Variants in PRH1 observed in about 807,000 individuals in gnomAD.
PRH1 encodes the protein salivary acidic proline-rich phosphoprotein 1/2.
In PRH1, 7 loss-of-function variants were observed where a neutral mutation model predicts 7.9. The observed-to-expected ratio is 0.89, with a 90% CI of 0.50 to 1.67. The LOEUF is 1.67. Among genes scored for constraint, PRH1 ranks in the 40% most tolerant of loss-of-function variants. The pLI is 0.00. For synonymous variants in PRH1, 45 were observed against 80.8 expected (o/e 0.56, Z 2.38); for missense variants, 109 against 223.6 (o/e 0.49, Z 3.27).
intron 1 of PRH1, chr12:10,986,974 TC>T (rs1488499315): frequency 2.7e-6 from 2 of 746,772 alleles, no homozygotes; most frequent in Non-Finnish European, 4.0e-6. Context: ...GCAGTAACAT[TC>T]TTTTTACTTT....
At chr12:11,119,677 TCAAA>T (rs1207509609), downstream of PRH1, among the ~76,000 whole-genome samples, 3 of 152,224 alleles carry the variant, frequency 2.0e-5, no homozygotes, top group Non-Finnish European at 4.4e-5. Context: ...AATTATGTTT[TCAAA>T]CAAACTGAAT....
intron 2 of PRH1, among the ~76,000 whole-genome samples, chr12:10,968,673 G>C (rs1938634857): frequency 6.6e-6 from 1 of 152,242 alleles, no homozygotes; most frequent in South Asian, 2.1e-4. Flanking sequence ...CCAGCCAGCT[G>C]CTTTAGGGCT....
chr12:11,161,880 T>C (rs1448495658), intron 1 of PRH1, among the ~76,000 whole-genome samples: 2 of 152,174 alleles, frequency 1.3e-5, no homozygotes, highest in Non-Finnish European at 2.9e-5. Flanking sequence ...ACATGAAACA[T>C]TTGTGTAAGG....
intron 1 of PRH1, among the ~76,000 whole-genome samples, chr12:11,083,716 T>C (rs1490415567): frequency 2.0e-5 from 3 of 152,308 alleles, no homozygotes; most frequent in African/African-American, 7.2e-5. Flanking sequence ...ACCATCCCAA[T>C]TGTTATGATA....
At chr12:11,013,662 T>G (rs1941160337) in intron 1 of PRH1, among the ~76,000 whole-genome samples, 1 of 152,162 alleles carries the variant, frequency 6.6e-6, no homozygotes, top group African/African-American at 2.4e-5. Context: ...TAAATAAAAC[T>G]AAATTAGATG....
intron 1 of PRH1, among the ~76,000 whole-genome samples, chr12:10,978,594 G>C (rs148247945): frequency 5.7e-4 from 87 of 152,182 alleles, no homozygotes; most frequent in Admixed American, 8.5e-4. Flanking sequence ...TTAAACTAAA[G>C]AGTTTCTGCA....
chr12:11,051,848 T>C (rs2599420), upstream of PRH1, among the ~76,000 whole-genome samples: 66,859 of 152,010 alleles, frequency 0.44, 15,528 homozygotes, highest in Non-Finnish European at 0.51. Context: ...CTATGTTTTT[T>C]CATTTTATGA....
At chr12:10,927,828 G>A (rs1029919534) in intron 2 of PRH1, among the ~76,000 whole-genome samples, 13 of 152,182 alleles carry the variant, frequency 8.5e-5, no homozygotes, top group African/African-American at 3.1e-4. Flanking sequence ...CCTACACAAG[G>A]TCTGAAATGG....
chr12:11,126,329 T>G (rs1469230655), intron 1 of PRH1, among the ~76,000 whole-genome samples: 1 of 152,228 alleles, frequency 6.6e-6, no homozygotes, highest in Non-Finnish European at 1.5e-5. Flanking sequence ...AAATATAGTT[T>G]TGTAAACTTT....
chr12:11,055,907 G>C (rs2044826), intron 1 of PRH1, among the ~76,000 whole-genome samples: 66,329 of 151,816 alleles, frequency 0.44, 15,088 homozygotes, highest in Non-Finnish European at 0.51. Flanking sequence ...AAGCATCCAA[G>C]GTTTTCTTGG....
At chr12:11,005,131 A>G (rs926827095) in intron 1 of PRH1, among the ~76,000 whole-genome samples, 1 of 152,160 alleles carries the variant, frequency 6.6e-6, no homozygotes, top group Non-Finnish European at 1.5e-5. Flanking sequence ...GCACCAGGGC[A>G]TGCTAATGAA....
At chr12:11,087,940 C>G (rs1231594956) in intron 1 of PRH1, among the ~76,000 whole-genome samples, 1 of 95,292 alleles carries the variant, frequency 1.0e-5, no homozygotes. Context: ...CAATTTGCCT[C>G]GTTTTATAAT....
At chr12:11,120,661 T>TA (rs1565672143), downstream of PRH1, among the ~76,000 whole-genome samples, 3 of 152,176 alleles carry the variant, frequency 2.0e-5, no homozygotes. Context: ...GTTTTTTTTT[T>TA]AAATATTTTA....
At chr12:10,941,491 T>C (rs1950399332) in intron 2 of PRH1, among the ~76,000 whole-genome samples, 1 of 152,056 alleles carries the variant, frequency 6.6e-6, no homozygotes. Flanking sequence ...TTTTAACTTT[T>C]TTATGCATCA....
chr12:10,945,248 T>C (rs1950468170), intron 2 of PRH1, among the ~76,000 whole-genome samples: 1 of 152,172 alleles, frequency 6.6e-6, no homozygotes, highest in South Asian at 2.1e-4. Context: ...TATTGGTCTG[T>C]GCAGGGAACA....
chr12:10,939,187 G>C (rs765213781), intron 2 of PRH1: 6 of 1,582,314 alleles, frequency 3.8e-6, no homozygotes, highest in Non-Finnish European at 5.1e-6. Flanking sequence ...ATGTAAATAT[G>C]CTCTTTATGA....
intron 1 of PRH1, among the ~76,000 whole-genome samples, chr12:11,029,634 C>T (rs1007559792): frequency 7.3e-4 from 111 of 152,342 alleles, no homozygotes; most frequent in Non-Finnish European, 1.6e-4. Flanking sequence ...TTTCTAACTG[C>T]ATATGCATAA....
At chr12:11,069,340 G>A (rs1258280163) in intron 1 of PRH1, among the ~76,000 whole-genome samples, 2 of 152,104 alleles carry the variant, frequency 1.3e-5, no homozygotes, top group Non-Finnish European at 2.9e-5. Context: ...ACGCTTGTCT[G>A]TTAACTGATT....
chr12:11,137,299 C>A (rs1423284218), intron 1 of PRH1, among the ~76,000 whole-genome samples: 2 of 152,180 alleles, frequency 1.3e-5, no homozygotes, highest in Non-Finnish European at 2.9e-5. Context: ...ACAGTACTTA[C>A]AAGTTTATCA....
Sources: allele counts gnomAD v4.1 joint callset (sites outside exome capture counted in the v4.1 genomes callset), GRCh38; gene constraint gnomAD v4.1.1; transcripts MANE v1.5; gene names NCBI Gene and HGNC (gene_info 2026-07-23, HGNC 2026-07-21).